EPHA6: variants seen among roughly 807,000 people sequenced by gnomAD.
EPHA6 encodes the protein EPH receptor A6.
Under a neutral mutation model 112.0 loss-of-function variants are expected in EPHA6, and 50 were observed. The observed-to-expected ratio is 0.45, with a 90% CI of 0.36 to 0.56. EPHA6 has a LOEUF of 0.56. Among genes scored for constraint, EPHA6 ranks in the 20% least tolerant of loss-of-function variants. The pLI, the probability that EPHA6 is intolerant of heterozygous loss-of-function variation, is 0.00. For missense variants in EPHA6, 1,280 were observed against 1,417.4 expected (o/e 0.90, Z 1.56); for synonymous variants, 529 against 490.7 (o/e 1.08, Z -1.03).
intron 3 of EPHA6, among the ~76,000 whole-genome samples, chr3:97,182,035 T>TG (rs2077002241): frequency 6.6e-6 from 1 of 152,110 alleles, no homozygotes; most frequent in African/African-American, 2.4e-5. Flanking sequence ...CAAAGGTTGT[T>TG]GCAGATGAAT....
chr3:96,975,177 C>T (rs2042473151), intron 2 of EPHA6, among the ~76,000 whole-genome samples: 2 of 152,190 alleles, frequency 1.3e-5, no homozygotes, highest in African/African-American at 2.4e-5. Context: ...TATGATCGAT[C>T]ATCTAGGGTA....
chr3:97,458,809 C>T (rs1045240425), intron 7 of EPHA6, among the ~76,000 whole-genome samples: 2 of 152,074 alleles, frequency 1.3e-5, no homozygotes, highest in African/African-American at 4.8e-5. Context: ...AATTGTTCAA[C>T]TTGTTCATTC....
At position 96,987,359 on chromosome 3, in the gene EPHA6, T is replaced by G. The variant is rs905875260; in HGVS notation, c.480T>G (p.His160Gln). The change falls in exon 3 of 18, where the codon CAT (histidine) becomes CAG (glutamine). Residue 160 changes from histidine to glutamine, a missense_variant. Around this residue, in one of 4 missense-constraint regions of EPHA6, gnomAD observed 878 missense variants for 999.7 expected, o/e 0.88. Coordinates refer to ENST00000389672, the MANE Select transcript of EPHA6 (RefSeq NM_001080448.3). ...ATGCCATCACTGAAATGGATGAACA[T>G]AATAGGCCCATTCACACATACCAGG... is the stretch of plus-strand genomic sequence containing the variant. ...GWDAITEMDE[H>Q]NRPIHTYQVC... The G allele has an allele frequency of 8.1e-6, 13 of 1,612,772 alleles. No homozygotes were observed. The highest frequency in any genetic ancestry group is 5.0e-5 in the Admixed American group (3 of 59,958).
intron 14 of EPHA6, among the ~76,000 whole-genome samples, chr3:97,679,657 C>T (rs2031698781): frequency 6.6e-6 from 1 of 152,098 alleles, no homozygotes; most frequent in South Asian, 2.1e-4. Flanking sequence ...TGGGTTTTGC[C>T]TTCATCTTGT....
intron 1 of EPHA6, among the ~76,000 whole-genome samples, chr3:96,829,935 A>C (rs1041433336): frequency 1.3e-4 from 15 of 117,652 alleles, no homozygotes; most frequent in African/African-American, 5.6e-4. Flanking sequence ...ATGCACGTGC[A>C]TGTGCGCGCG....
chr3:97,101,893 A>T (rs185343568), intron 3 of EPHA6, among the ~76,000 whole-genome samples: 30 of 152,110 alleles, frequency 2.0e-4, no homozygotes, highest in Admixed American at 1.8e-3. Context: ...TACTATTTTG[A>T]CTATTCATTG....
At chr3:97,328,054 C>CAT (rs71286029) in intron 5 of EPHA6, among the ~76,000 whole-genome samples, 55,355 of 120,724 alleles carry the variant, frequency 0.46, 14,140 homozygotes, top group South Asian at 0.57. Flanking sequence ...CATATATACA[C>CAT]ATATATATAT....
intron 4 of EPHA6, among the ~76,000 whole-genome samples, chr3:97,234,465 T>C (rs911070892): frequency 1.3e-5 from 2 of 152,148 alleles, no homozygotes; most frequent in African/African-American, 4.8e-5. Context: ...TACAAGAAGA[T>C]TTTGTTTTTA....
At chr3:96,999,826 A>G (rs1157465617) in intron 3 of EPHA6, among the ~76,000 whole-genome samples, 2 of 151,936 alleles carry the variant, frequency 1.3e-5, no homozygotes, top group Admixed American at 6.6e-5. Context: ...TACATCAGAA[A>G]TGGTCATGGA....
chr3:97,097,020 C>CA (rs1250274324), intron 3 of EPHA6, among the ~76,000 whole-genome samples: 3 of 150,682 alleles, frequency 2.0e-5, no homozygotes, highest in Non-Finnish European at 4.4e-5. Flanking sequence ...AATTCCAAAA[C>CA]AAAAAAATCC....
rs911333387 is a variant in EPHA6 at position 97,252,409 on chromosome 3, TCACA to T, written c.1606+8127_1606+8130del. Among the ~76,000 whole-genome samples, 152 of 151,774 alleles carry T rather than the reference TCACA, an allele frequency of 1.0e-3. 1 individual carries two copies. Among genetic ancestry groups the T allele is most frequent in the African/African-American group, 3.2e-3 (132 of 41,380 alleles). On this transcript the variant is annotated intron_variant, in intron 5 of 17. Transcript: ENST00000389672. ...AGCAGAAACAGCTACACACACACAC[TCACA>T]CACATACACACACACACGCGCGCGC...
chr3:97,441,441 A>G (rs2090134735), intron 6 of EPHA6: 1 of 980,424 alleles, frequency 1.0e-6, no homozygotes. Flanking sequence ...ATGGAAGAAG[A>G]AAACGTCCTC....
intron 14 of EPHA6, among the ~76,000 whole-genome samples, chr3:97,648,897 T>G (rs899812644): frequency 6.6e-6 from 1 of 152,146 alleles, no homozygotes. Flanking sequence ...GACACTGTGC[T>G]AAGATACAAT....
chr3:97,222,876 G>A (rs997261738), intron 3 of EPHA6, among the ~76,000 whole-genome samples: 9 of 152,172 alleles, frequency 5.9e-5, no homozygotes, highest in Admixed American at 2.6e-4. Flanking sequence ...TAACTAATGC[G>A]GAAAAGGCCC....
chr3:97,088,108 G>A (rs1047587104), intron 3 of EPHA6, among the ~76,000 whole-genome samples: 1 of 152,034 alleles, frequency 6.6e-6, no homozygotes, highest in African/African-American at 2.4e-5. Flanking sequence ...TTGAACCGGG[G>A]AGGCAGAGGT....
intron 5 of EPHA6, among the ~76,000 whole-genome samples, chr3:97,335,283 G>A (rs756743099): frequency 2.0e-5 from 3 of 152,032 alleles, no homozygotes; most frequent in Non-Finnish European, 2.9e-5. Flanking sequence ...GCCACTTAAG[G>A]TTATAGGAAG....
At chr3:97,006,343 A>T (rs1290265169) in intron 3 of EPHA6, among the ~76,000 whole-genome samples, 1 of 151,116 alleles carries the variant, frequency 6.6e-6, no homozygotes, top group Non-Finnish European at 1.5e-5. Context: ...GGTAGGGTGT[A>T]TGCGTCCAGG....
At chr3:97,013,934 T>A (rs2044177249) in intron 3 of EPHA6, among the ~76,000 whole-genome samples, 1 of 152,134 alleles carries the variant, frequency 6.6e-6, no homozygotes, top group Admixed American at 6.6e-5. Context: ...TATATTGTCA[T>A]TATCTTATTT....
intron 2 of EPHA6, among the ~76,000 whole-genome samples, chr3:96,984,457 G>T (rs113780114): frequency 0.023 from 3,537 of 152,280 alleles, 67 homozygotes; most frequent in Non-Finnish European, 0.038. Flanking sequence ...GTGTCAGTCT[G>T]CCCCTACTGG....
Sources: allele counts gnomAD v4.1 joint callset (sites outside exome capture counted in the v4.1 genomes callset), GRCh38; gene constraint gnomAD v4.1.1; regional missense constraint gnomAD v4.1.1; transcripts MANE v1.5; gene names NCBI Gene and HGNC (gene_info 2026-07-23, HGNC 2026-07-21).